The following GABRG3 variants were observed in gnomAD, a reference collection of about 807,000 sequenced individuals.
GABRG3 encodes gamma-aminobutyric acid receptor subunit gamma-3.
A neutral mutation model predicts 48.8 loss-of-function variants in GABRG3; 25 were observed. The observed-to-expected ratio is 0.51, with a 90% CI of 0.37 to 0.72. GABRG3 has a LOEUF of 0.72. Ranked by LOEUF, GABRG3 falls within the 30% of genes least tolerant of loss-of-function variation. The pLI is 0.00. For missense variants in GABRG3, 394 were observed against 577.9 expected, an observed-to-expected ratio of 0.68 and a Z score of 3.26; for synonymous variants, 227 against 217.6, an observed-to-expected ratio of 1.04 and a Z score of -0.38.
intron 3 of GABRG3, among the ~76,000 whole-genome samples, chr15:27,291,308 A>G (rs1033565415): frequency 6.6e-6 from 1 of 152,202 alleles, no homozygotes; most frequent in Non-Finnish European, 1.5e-5. Flanking sequence ...ATGGCTTTCT[A>G]TGTAACTTTA....
Position 27,457,443 on chromosome 15 carries a change from A to G in GABRG3, c.575-23207A>G, listed in dbSNP as rs1889317276. Among the ~76,000 whole-genome samples, 1 of 152,094 alleles carries G rather than the reference A, an allele frequency of 6.6e-6. No homozygotes were observed. The highest frequency in any genetic ancestry group is 6.5e-5 in the Admixed American group (1 of 15,276). The stretch of plus-strand genomic sequence containing the variant: ...CTTTCATCCTTCTCTATCTTTGTTC[A>G]CTGACAATCTTCTTGGGCACATTTC... On this transcript the variant is annotated intron_variant, in intron 5 of 9. Transcript: ENST00000615808. This position sits in a 1 kb window ranked among gnomAD's most constrained non-coding sequence, Gnocchi z 4.4.
intron 6 of GABRG3, among the ~76,000 whole-genome samples, chr15:27,499,363 T>C (rs1292315697): frequency 6.6e-6 from 1 of 152,040 alleles, no homozygotes; most frequent in Non-Finnish European, 1.5e-5. Context: ...CATTCAGATC[T>C]CCCATTATTG....
chr15:27,154,873 T>G (rs994858447), intron 3 of GABRG3, among the ~76,000 whole-genome samples: 5 of 152,172 alleles, frequency 3.3e-5, no homozygotes, highest in African/African-American at 1.2e-4. Flanking sequence ...CGTTCCTTCC[T>G]TATCTATTTT....
At chr15:27,467,262 C>G (rs375748702) in intron 5 of GABRG3, among the ~76,000 whole-genome samples, 29 of 152,294 alleles carry the variant, frequency 1.9e-4, no homozygotes, top group African/African-American at 5.3e-4. Context: ...TCCGGTCACT[C>G]TCATGGCCTC....
chr15:27,083,497 T>C (rs1897025022), intron 3 of GABRG3, among the ~76,000 whole-genome samples: 1 of 152,088 alleles, frequency 6.6e-6, no homozygotes, highest in Non-Finnish European at 1.5e-5. Context: ...CATGCCTGGC[T>C]AATTTTTATG....
rs1172636329 is a variant in GABRG3 at position 27,520,635 on chromosome 15, C to T, written c.865+511C>T. Among the ~76,000 whole-genome samples, 5 of 148,278 alleles carry T rather than the reference C, an allele frequency of 3.4e-5. 1 individual carries two copies. The highest frequency in any genetic ancestry group is 2.7e-4 in the Admixed American group (4 of 14,596). Reference sequence around the variant, plus strand: ...TCTTTTCATGAATTTTTCTCTGGTTCCCAAAATCTTCTTAATAAAACACTA... The same window carrying T: ...TCTTTTCATGAATTTTTCTCTGGTTTCCAAAATCTTCTTAATAAAACACTA... On this transcript the variant is annotated intron_variant, in intron 7 of 9. Coordinates refer to ENST00000615808, the MANE Select transcript of GABRG3 (RefSeq NM_033223.5).
intron 5 of GABRG3, among the ~76,000 whole-genome samples, chr15:27,393,098 C>G (rs1218786237): frequency 1.3e-5 from 2 of 152,066 alleles, no homozygotes; most frequent in Admixed American, 1.3e-4. Flanking sequence ...GTAATCCGAG[C>G]ACTTTGGGAG....
chr15:27,208,897 C>A (rs1888971105), intron 3 of GABRG3, among the ~76,000 whole-genome samples: 1 of 152,162 alleles, frequency 6.6e-6, no homozygotes, highest in Admixed American at 6.5e-5. Context: ...GAGGACACTA[C>A]AGAGCAACCC....
At chr15:26,988,823 A>T (rs1006582374) in intron 2 of GABRG3, among the ~76,000 whole-genome samples, 1 of 152,092 alleles carries the variant, frequency 6.6e-6, no homozygotes, top group African/African-American at 2.4e-5. Context: ...ATACATTTTT[A>T]ACTTATCACA....
chr15:27,184,043 G>A (rs1888016369), intron 3 of GABRG3, among the ~76,000 whole-genome samples: 1 of 152,222 alleles, frequency 6.6e-6, no homozygotes, highest in Non-Finnish European at 1.5e-5. Context: ...ACACATGGGA[G>A]ATAGCCAGGG....
At chr15:27,518,493 G>T (rs900695155) in intron 6 of GABRG3, among the ~76,000 whole-genome samples, 1 of 152,136 alleles carries the variant, frequency 6.6e-6, no homozygotes, top group Non-Finnish European at 1.5e-5. Flanking sequence ...CAGTTTATTG[G>T]TTTTAAGATA....
At chr15:27,096,067 T>C (rs772857444) in intron 3 of GABRG3, among the ~76,000 whole-genome samples, 1 of 152,188 alleles carries the variant, frequency 6.6e-6, no homozygotes, top group Non-Finnish European at 1.5e-5. Flanking sequence ...ATTCATCACA[T>C]ACGGTTCCCA....
chr15:27,510,912 G>T (rs992709065), intron 6 of GABRG3, among the ~76,000 whole-genome samples: 37 of 151,806 alleles, frequency 2.4e-4, no homozygotes, highest in Non-Finnish European at 1.0e-4. Flanking sequence ...TTTTTTTCTT[G>T]CAGTGGTCAT....
At chr15:27,385,006 A>G (rs1208298742) in intron 5 of GABRG3, among the ~76,000 whole-genome samples, 1 of 152,168 alleles carries the variant, frequency 6.6e-6, no homozygotes, top group Non-Finnish European at 1.5e-5. Context: ...ACCACCATCC[A>G]AAAAATATAT....
At chr15:27,144,092 A>C (rs1298161884) in intron 3 of GABRG3, among the ~76,000 whole-genome samples, 3 of 152,184 alleles carry the variant, frequency 2.0e-5, no homozygotes, top group Non-Finnish European at 4.4e-5. Flanking sequence ...ATACTCCTCC[A>C]AAAAAGCAAT....
Position 27,306,626 on chromosome 15 carries a change from A to G in GABRG3, c.271-20183A>G, listed in dbSNP as rs550083313. ...ATGTTTATATATAAACATATATAAT[A>G]TAAACATATATTTATATATAAACAT... On this transcript the variant is annotated intron_variant, in intron 3 of 9. Coordinates refer to ENST00000615808, the MANE Select transcript of GABRG3 (RefSeq NM_033223.5). Among the ~76,000 whole-genome samples the G allele has an allele frequency of 2.4e-3, 309 of 127,986 alleles. 4 individuals carry two copies. Among genetic ancestry groups the G allele is most frequent in the Non-Finnish European group, 4.1e-3 (251 of 61,650 alleles). 84.0% of individuals were successfully genotyped at this position (127,986 alleles called of 152,430 possible).
At position 27,041,241 on chromosome 15, in the gene GABRG3, G is replaced by A. The variant is rs369366124; in HGVS notation, c.270+14420G>A. Among the ~76,000 whole-genome samples the A allele has an allele frequency of 1.1e-4, 17 of 152,266 alleles. No individual in the cohort carries two copies. The East Asian group carries it at 3.1e-3, about 28-fold the overall frequency. On this transcript the variant is annotated intron_variant, in intron 3 of 9. Coordinates refer to ENST00000615808, the MANE Select transcript of GABRG3 (RefSeq NM_033223.5). Reference sequence around the variant, plus strand: ...TGTGTCACCCAGGCTGGAGCACAGAGGTGCAATCTTGGCTCATTGCAACCT... The same window carrying A: ...TGTGTCACCCAGGCTGGAGCACAGAAGTGCAATCTTGGCTCATTGCAACCT...
Position 27,352,388 on chromosome 15 carries a change from G to A in GABRG3, c.574+23500G>A, listed in dbSNP as rs1354232724. On this transcript the variant is annotated intron_variant, in intron 5 of 9. Transcript: ENST00000615808. The surrounding 1 kb of genome is among the most constrained non-coding windows in gnomAD (Gnocchi z 4.0). Reference sequence around the variant, plus strand: ...GATCTCTGCCAATTTCTCTTATTCCGTTAGCTGAAGCTTAGAAAAATAACC... The same window carrying A: ...GATCTCTGCCAATTTCTCTTATTCCATTAGCTGAAGCTTAGAAAAATAACC... Among the ~76,000 whole-genome samples the A allele has an allele frequency of 2.0e-5, 3 of 151,966 alleles. No individual in the cohort carries two copies. Among genetic ancestry groups the A allele is most frequent in the African/African-American group, 4.8e-5 (2 of 41,304 alleles).
chr15:27,213,865 C>T (rs903649065), intron 3 of GABRG3, among the ~76,000 whole-genome samples: 5 of 152,102 alleles, frequency 3.3e-5, no homozygotes, highest in African/African-American at 9.7e-5. Context: ...CAGGCAGGAA[C>T]GTGGAGCAGG....
Sources: gnomAD v4.1 joint callset for allele counts (sites outside exome capture counted in the v4.1 genomes callset) on GRCh38, gnomAD v4.1.1 for gene constraint, Gnocchi (gnomAD v3.1) non-coding constraint, MANE v1.5 for transcripts, NCBI Gene and HGNC (gene_info 2026-07-23, HGNC 2026-07-21) for gene names.